The following TMEM45B variants were observed in gnomAD, a reference collection of about 807,000 sequenced individuals.
The protein encoded by TMEM45B is transmembrane protein 45B.
In TMEM45B, 29 loss-of-function variants were observed where a neutral mutation model predicts 27.3. The observed-to-expected ratio is 1.06, with a 90% CI of 0.79 to 1.45. The LOEUF is 1.45. Among genes scored for constraint, TMEM45B ranks in the 40% most tolerant of loss-of-function variants. The pLI is 0.00. For synonymous variants in TMEM45B, 143 were observed against 134.7 expected (o/e 1.06, Z -0.43); for missense variants, 348 against 343.9 (o/e 1.01, Z -0.09).
chr11:129,822,685 G>A (rs10750422), intron 1 of TMEM45B, among the ~76,000 whole-genome samples: 15,941 of 152,086 alleles, frequency 0.1, 863 homozygotes, highest in Admixed American at 0.12. Context: ...CCTTGACTCC[G>A]CCTGCACTTT....
intron 1 of TMEM45B, among the ~76,000 whole-genome samples, chr11:129,820,634 G>A (rs376626318): frequency 1.3e-5 from 2 of 152,304 alleles, no homozygotes; most frequent in East Asian, 3.9e-4. Context: ...GCAGGTGGTT[G>A]CGGGAATACA....
At chr11:129,857,149 G>A (rs547724991) in intron 4 of TMEM45B, among the ~76,000 whole-genome samples, 164 bp from the exon 5 acceptor site, 1 of 152,150 alleles carries the variant, frequency 6.6e-6, no homozygotes, top group Non-Finnish European at 1.5e-5. Context: ...ACCATACCTG[G>A]CCAGAGCCAT....
rs190352303 is a variant in TMEM45B at position 129,859,031 on chromosome 11, G to C, written c.*346G>C. 1 of 156,926 alleles carries C rather than the reference G, an allele frequency of 6.4e-6. No homozygotes were observed. The highest frequency in any genetic ancestry group is 2.0e-4 in the South Asian group (1 of 4,922). 9.7% of individuals were successfully genotyped at this position (156,926 alleles called of 1,614,324 possible). ...TGGAAGTGGCCTCATGGATGAATCC[G>C]GGGTATGAGCCCAGGAGAACGTGCT... On this transcript the variant is annotated 3_prime_UTR_variant, in exon 6 of 6. Coordinates refer to ENST00000281441, the MANE Select transcript of TMEM45B (RefSeq NM_138788.5).
intron 2 of TMEM45B, 101 bp downstream of exon 2, chr11:129,852,761 G>A: frequency 7.7e-7 from 1 of 1,306,058 alleles, no homozygotes. Flanking sequence ...CACTGGCAGA[G>A]ATAATAGGGC....
rs1947941133 is a variant in TMEM45B at position 129,857,197 on chromosome 11, G to A, written c.571-116G>A. ...AAAGGCCTTTCTATGCTAACGAAGTGTGGGAACTATGAGGCGGTGGTCACA... is the reference window on the plus strand; with the variant it reads ...AAAGGCCTTTCTATGCTAACGAAGTATGGGAACTATGAGGCGGTGGTCACA... On this transcript the variant is annotated intron_variant, in intron 4 of 5. Coordinates refer to ENST00000281441, the MANE Select transcript of TMEM45B (RefSeq NM_138788.5). 1.4e-5 allele frequency: 17 copies of A among 1,241,580 alleles called. No individual in the cohort carries two copies. In the South Asian group the frequency reaches 1.9e-4, roughly 14 times the overall value. 76.9% of individuals were successfully genotyped at this position (1,241,580 alleles called of 1,614,324 possible).
In TMEM45B at chr11:129,854,744, C is replaced by T; in HGVS notation, c.313C>T (p.Leu105Phe). ...FFAVSGIVDM[L>F]TYLVSHVPLG... ...TGCAGTCTCAGGAATTGTTGACATG[C>T]TCACCTATCTGGTCAGCCACGTTCC... is the stretch of plus-strand genomic sequence containing the variant. Residue 105 changes from leucine to phenylalanine, a missense_variant, in exon 3 of 6, where the codon CTC becomes TTC. Coordinates refer to ENST00000281441, the MANE Select transcript of TMEM45B (RefSeq NM_138788.5). 1 of 1,614,220 alleles carries T rather than the reference C, an allele frequency of 6.2e-7. No individual in the cohort carries two copies. The highest frequency in any genetic ancestry group is 2.2e-5 in the East Asian group (1 of 44,880).
chr11:129,838,502 C>T (rs186587983), intron 1 of TMEM45B, among the ~76,000 whole-genome samples: 28 of 152,252 alleles, frequency 1.8e-4, no homozygotes, highest in Admixed American at 7.2e-4. Context: ...TCGCTCTTGT[C>T]GCTCTTCTTG....
chr11:129,854,259 T>A (rs962199408), intron 2 of TMEM45B, among the ~76,000 whole-genome samples: 2 of 152,240 alleles, frequency 1.3e-5, no homozygotes, highest in Non-Finnish European at 2.9e-5. Context: ...GCCCAGAGAT[T>A]ATTCTATCAG....
chr11:129,847,566 G>A (rs540277920), intron 1 of TMEM45B, among the ~76,000 whole-genome samples: 21 of 150,952 alleles, frequency 1.4e-4, no homozygotes, highest in Non-Finnish European at 2.8e-4. Context: ...CTGGGTACTT[G>A]AGATTAGGGA....
intron 1 of TMEM45B, among the ~76,000 whole-genome samples, chr11:129,848,087 G>A (rs1329513560): frequency 1.3e-5 from 2 of 151,666 alleles, no homozygotes; most frequent in Non-Finnish European, 2.9e-5. Context: ...CGGCCAGGCA[G>A]AGACACTCCT....
chr11:129,841,203 A>T (rs1347584843), intron 1 of TMEM45B, among the ~76,000 whole-genome samples: 1 of 152,122 alleles, frequency 6.6e-6, no homozygotes, highest in African/African-American at 2.4e-5. Flanking sequence ...TGGCCATGAA[A>T]ACTGCCACAC....
At chr11:129,848,366 C>A (rs921953383) in intron 1 of TMEM45B, among the ~76,000 whole-genome samples, 9 of 151,406 alleles carry the variant, frequency 5.9e-5, no homozygotes, top group Admixed American at 4.0e-4. Flanking sequence ...TACGAAAACC[C>A]GTCAGGCGTG....
intron 1 of TMEM45B, among the ~76,000 whole-genome samples, chr11:129,816,333 C>G (rs560072360): frequency 1.6e-4 from 24 of 152,288 alleles, no homozygotes; most frequent in African/African-American, 5.3e-4. Flanking sequence ...CCATCTGGCT[C>G]CTGGGCTGTG....
intron 1 of TMEM45B, among the ~76,000 whole-genome samples, chr11:129,830,460 C>T (rs1947534757): frequency 6.6e-6 from 1 of 151,966 alleles, no homozygotes; most frequent in Non-Finnish European, 1.5e-5. Context: ...ACATCAAAAG[C>T]ACAAACAAAA....
intron 3 of TMEM45B, among the ~76,000 whole-genome samples, chr11:129,855,457 C>T (rs919324112): frequency 3.3e-5 from 5 of 152,228 alleles, no homozygotes; most frequent in African/African-American, 1.2e-4. Context: ...AAATCAGCAA[C>T]ATGCTTCAGC....
chr11:129,840,553 C>T (rs765741288), intron 1 of TMEM45B, among the ~76,000 whole-genome samples: 7 of 152,196 alleles, frequency 4.6e-5, no homozygotes, highest in African/African-American at 9.6e-5. Context: ...AAACATTAAA[C>T]AAACATGTAA....
chr11:129,855,166 CA>C (rs1407260498), intron 3 of TMEM45B, among the ~76,000 whole-genome samples: 2 of 152,164 alleles, frequency 1.3e-5, no homozygotes, highest in African/African-American at 4.8e-5. Flanking sequence ...TGCGGGTACA[CA>C]CAATGCCCCA....
At chr11:129,856,207 G>A (rs1314268913) in intron 4 of TMEM45B, among the ~76,000 whole-genome samples, 1 of 152,090 alleles carries the variant, frequency 6.6e-6, no homozygotes, top group African/African-American at 2.4e-5. Flanking sequence ...CGTGGGCCCT[G>A]AAGTTCTGTT....
At chr11:129,827,484 C>G (rs1947499156) in intron 1 of TMEM45B, among the ~76,000 whole-genome samples, 1 of 152,124 alleles carries the variant, frequency 6.6e-6, no homozygotes, top group Non-Finnish European at 1.5e-5. Flanking sequence ...ATGTGTGTAT[C>G]TAAACACGGA....
Sources: allele counts gnomAD v4.1 joint callset (sites outside exome capture counted in the v4.1 genomes callset), GRCh38; gene constraint gnomAD v4.1.1; transcripts MANE v1.5; gene names NCBI Gene and HGNC (gene_info 2026-07-23, HGNC 2026-07-21).